Variants in FRY observed in about 807,000 individuals in gnomAD.
FRY encodes protein furry homolog.
In FRY, 128 loss-of-function variants were observed where a neutral mutation model predicts 348.4. The observed-to-expected ratio is 0.37, with a 90% CI of 0.32 to 0.43. The LOEUF is 0.43. Among genes scored for constraint, FRY ranks in the 20% least tolerant of loss-of-function variants. FRY has a pLI of 1.00. For synonymous variants in FRY, 1,370 were observed against 1,374.7 expected, an observed-to-expected ratio of 1.00 and a Z score of 0.08; for missense variants, 2,736 against 3,695.2, an observed-to-expected ratio of 0.74 and a Z score of 6.73.
At chr13:32,261,443 G>A (rs879880107) in intron 51 of FRY, 173 bp from the exon 52 acceptor site, 3 of 768,294 alleles carry the variant, frequency 3.9e-6, no homozygotes, top group Admixed American at 1.7e-5. Flanking sequence ...TGAAAATAGT[G>A]TGCTTTTACT....
chr13:32,076,101 A>G (rs1875034534), intron 1 of FRY, among the ~76,000 whole-genome samples: 1 of 152,200 alleles, frequency 6.6e-6, no homozygotes, highest in Non-Finnish European at 1.5e-5. Flanking sequence ...TCTGAATTTC[A>G]TCTCTCTAGT....
chr13:32,123,294 T>C (rs1039019799), intron 4 of FRY, among the ~76,000 whole-genome samples: 3 of 152,218 alleles, frequency 2.0e-5, no homozygotes, highest in Non-Finnish European at 4.4e-5. Context: ...CAAATTATAC[T>C]ATAAGGCCAT....
At chr13:32,170,764 T>C (rs887134317) in intron 17 of FRY, among the ~76,000 whole-genome samples, 2 of 152,148 alleles carry the variant, frequency 1.3e-5, no homozygotes, top group African/African-American at 2.4e-5. Flanking sequence ...CTCGAACTCC[T>C]GAACTCGGGC....
intron 40 of FRY, among the ~76,000 whole-genome samples, chr13:32,229,440 AAG>A (rs1253471789): frequency 1.3e-5 from 2 of 152,208 alleles, no homozygotes; most frequent in African/African-American, 4.8e-5. Flanking sequence ...ACAATAAAAA[AAG>A]AGTATTTTCT....
intron 28 of FRY, among the ~76,000 whole-genome samples, chr13:32,192,774 C>G (rs1006029048): frequency 4.4e-5 from 6 of 137,054 alleles, no homozygotes; most frequent in African/African-American, 1.7e-4. Flanking sequence ...GACAGAGCCT[C>G]ACTCCATTGC....
At chr13:32,272,123 A>G (rs1263204294) in intron 55 of FRY, among the ~76,000 whole-genome samples, 1 of 152,250 alleles carries the variant, frequency 6.6e-6, no homozygotes, top group Non-Finnish European at 1.5e-5. Context: ...TACTTGAAGC[A>G]AAATAGGCAT....
chr13:32,038,170 T>A (rs531472460), intron 1 of FRY, among the ~76,000 whole-genome samples: 18 of 152,218 alleles, frequency 1.2e-4, no homozygotes, highest in Non-Finnish European at 2.6e-4. Flanking sequence ...TGGCATGAGA[T>A]ACCCACATGG....
rs781660477 is a variant in FRY at position 32,149,763 on chromosome 13, G to C, written c.1408G>C (p.Ala470Pro). ...TTTACTACAGGAACGTTTAGATTTT[G>C]CAATGAAAGAAATCATTTTCGATTT... ...QFIAQERLDF[A>P]MKEIIFDFLC... The change falls in exon 14 of 61, where the codon GCA (alanine) becomes CCA (proline). Residue 470 changes from alanine to proline, a missense_variant. Transcript: ENST00000542859. 6.3e-7 allele frequency: 1 copy of C among 1,599,224 alleles called. No individual in the cohort carries two copies. The highest frequency in any genetic ancestry group is 1.3e-5 in the African/African-American group (1 of 74,604).
At chr13:32,075,658 A>G (rs1292577286) in intron 1 of FRY, among the ~76,000 whole-genome samples, 1 of 152,242 alleles carries the variant, frequency 6.6e-6, no homozygotes, top group Non-Finnish European at 1.5e-5. Context: ...ATTGTCACCA[A>G]ATAACTCAAG....
At chr13:32,084,819 A>G (rs1875748564) in intron 2 of FRY, among the ~76,000 whole-genome samples, 1 of 152,072 alleles carries the variant, frequency 6.6e-6, no homozygotes, top group Admixed American at 6.6e-5. Flanking sequence ...TGAAGAAGCA[A>G]TGTGTTAGCC....
intron 29 of FRY, among the ~76,000 whole-genome samples, chr13:32,197,124 G>A (rs763052919): frequency 6.6e-6 from 1 of 151,904 alleles, no homozygotes; most frequent in African/African-American, 2.4e-5. Flanking sequence ...CTTTTAAAAC[G>A]TGTTTAATAG....
intron 20 of FRY, among the ~76,000 whole-genome samples, chr13:32,176,003 T>C (rs1209836271): frequency 6.6e-6 from 1 of 152,160 alleles, no homozygotes; most frequent in Non-Finnish European, 1.5e-5. Flanking sequence ...GTTTACAGAG[T>C]GCTTTCACAT....
At chr13:32,145,608 A>G (rs894343390) in intron 11 of FRY, among the ~76,000 whole-genome samples, 2 of 142,060 alleles carry the variant, frequency 1.4e-5, no homozygotes, top group African/African-American at 5.4e-5. Context: ...GCAGTGGTGC[A>G]ATCTCGGCTC....
chr13:32,155,786 A>G (rs931934620), intron 15 of FRY, 124 bp downstream of exon 15: 2 of 649,020 alleles, frequency 3.1e-6, no homozygotes, highest in East Asian at 2.8e-5. Flanking sequence ...AGACATTCCA[A>G]CATTAATTGT....
chr13:32,295,606 C>A lies in FRY; in HGVS notation c.*146C>A. The A allele has an allele frequency of 1.4e-6, 1 of 736,116 alleles. No individual in the cohort carries two copies. Among genetic ancestry groups the A allele is most frequent in the Non-Finnish European group, 2.3e-6 (1 of 429,074 alleles). 45.6% of individuals were successfully genotyped at this position (736,116 alleles called of 1,614,324 possible). ...GTAGGGCTTTTTCTAAAGAGGATGG[C>A]AGAACTTCCAACGTGTAGCAATACT... On this transcript the variant is annotated 3_prime_UTR_variant, in exon 61 of 61. Transcript: ENST00000542859.
intron 46 of FRY, among the ~76,000 whole-genome samples, chr13:32,243,232 T>G (rs898029453): frequency 1.3e-5 from 2 of 152,250 alleles, no homozygotes; most frequent in Non-Finnish European, 2.9e-5. Context: ...TATCCTCCAC[T>G]GCCTTTAAAA....
At chr13:32,291,125 G>A (rs1889329116) in intron 59 of FRY, among the ~76,000 whole-genome samples, 1 of 152,088 alleles carries the variant, frequency 6.6e-6, no homozygotes, top group Non-Finnish European at 1.5e-5. Flanking sequence ...AGTGACAGCA[G>A]AGAAGTGAGG....
chr13:32,091,983 T>C (rs1172691441), intron 2 of FRY, among the ~76,000 whole-genome samples: 1 of 152,234 alleles, frequency 6.6e-6, no homozygotes, highest in Non-Finnish European at 1.5e-5. Context: ...TAAGCAAGGT[T>C]AGTGATATAT....
At chr13:32,162,265 CAAAT>C (rs1566104742) in intron 17 of FRY, among the ~76,000 whole-genome samples, 1 of 152,162 alleles carries the variant, frequency 6.6e-6, no homozygotes, top group Non-Finnish European at 1.5e-5. Context: ...AGAAGGATAA[CAAAT>C]AGTCATGCTG....
Sources: gnomAD v4.1 joint callset for allele counts (sites outside exome capture counted in the v4.1 genomes callset) on GRCh38, gnomAD v4.1.1 for gene constraint, MANE v1.5 for transcripts, NCBI Gene and HGNC (gene_info 2026-07-23, HGNC 2026-07-21) for gene names.